TRAF3: variants seen among roughly 807,000 people sequenced by gnomAD.
The protein encoded by TRAF3 is TNF receptor-associated factor 3.
A neutral mutation model predicts 62.3 loss-of-function variants in TRAF3; 13 were observed. The observed-to-expected ratio is 0.21, with a 90% CI of 0.14 to 0.33. The LOEUF (loss-of-function observed/expected upper bound fraction) is 0.33. TRAF3 is among the 10% of genes least tolerant of loss of function. TRAF3 has a pLI of 1.00. For synonymous variants in TRAF3, 269 were observed against 283.4 expected (o/e 0.95, Z 0.51); for missense variants, 440 against 741.8 (o/e 0.59, Z 4.73).
rs199989168 is a variant in TRAF3, at chr14:102,886,244, G to A, written c.626G>A (p.Ser209Asn). The A allele has an allele frequency of 6.8e-6, 11 of 1,612,398 alleles. No homozygotes were observed. In the Admixed American group the frequency reaches 1.7e-4, roughly 24 times the overall value. Reference protein sequence around the residue: ...CVVVSCPHKCSVQTLLRSELS... With the variant: ...CVVVSCPHKCNVQTLLRSELS... ...GTGGTGTCCTGCCCTCACAAGTGCA[G>A]CGTCCAGACTCTCCTGAGGAGCGAG... is the stretch of plus-strand genomic sequence containing the variant. The change falls in exon 7 of 12, where the codon AGC becomes AAC. Residue 209 changes from serine to asparagine, a missense_variant. Transcript: ENST00000392745.
chr14:102,861,259 A>C (rs1280226029), intron 2 of TRAF3, among the ~76,000 whole-genome samples: 1 of 152,178 alleles, frequency 6.6e-6, no homozygotes, highest in African/African-American at 2.4e-5. Flanking sequence ...AGCCATCAGC[A>C]AAGAGTGCAA....
intron 4 of TRAF3, among the ~76,000 whole-genome samples, chr14:102,875,144 T>C (rs961603038): frequency 6.6e-5 from 10 of 152,204 alleles, no homozygotes; most frequent in African/African-American, 2.4e-4. Context: ...TGGTCTCTTA[T>C]GTGGTCTCTC....
At chr14:102,859,994 T>G (rs1299085295) in intron 2 of TRAF3, among the ~76,000 whole-genome samples, 2 of 152,168 alleles carry the variant, frequency 1.3e-5, no homozygotes, top group African/African-American at 4.8e-5. Flanking sequence ...AACACAACAG[T>G]GCAATGATTT....
intron 2 of TRAF3, among the ~76,000 whole-genome samples, chr14:102,832,857 G>A (rs999394095): frequency 2.6e-5 from 4 of 152,008 alleles, no homozygotes; most frequent in African/African-American, 9.7e-5. Context: ...ATGAGATGTT[G>A]AATTGATGTT....
intron 1 of TRAF3, among the ~76,000 whole-genome samples, chr14:102,786,443 A>G (rs1256592367): frequency 6.6e-6 from 1 of 152,188 alleles, no homozygotes; most frequent in Non-Finnish European, 1.5e-5. Context: ...ATCCCAGCAC[A>G]TTGGGAAGCC....
chr14:102,863,686 C>T (rs1240221353), intron 2 of TRAF3, among the ~76,000 whole-genome samples: 1 of 152,236 alleles, frequency 6.6e-6, no homozygotes, highest in African/African-American at 2.4e-5. Context: ...TCTTACTCCT[C>T]AGCTTTTCTT....
At position 102,860,284 on chromosome 14, in the gene TRAF3, T is replaced by TA. The variant is rs1238322558; in HGVS notation, c.-17-9895dup. On this transcript the variant is annotated intron_variant, in intron 2 of 11. Transcript: ENST00000392745. ...GAAGTAATTTCTGATACCCCCAAAGTAAAAAACAGATAATGCAGTGCAAAA... is the reference window on the plus strand; with the variant it reads ...GAAGTAATTTCTGATACCCCCAAAGTAAAAAAACAGATAATGCAGTGCAAAA... Among the ~76,000 whole-genome samples the TA allele has an allele frequency of 7.9e-5, 12 of 152,250 alleles. No individual in the cohort carries two copies. The East Asian group carries it at 1.9e-3, about 24-fold the overall frequency.
chr14:102,874,359 C>T (rs949489736), intron 4 of TRAF3, among the ~76,000 whole-genome samples: 70 of 152,124 alleles, frequency 4.6e-4, no homozygotes, highest in Non-Finnish European at 6.6e-4. Context: ...CGGGTTCAAG[C>T]GATTCCCCTG....
rs1052342037 is a variant in TRAF3 at position 102,799,743 on chromosome 14, T to G, written c.-157+22068T>G. Among the ~76,000 whole-genome samples, 39 of 152,202 alleles carry G rather than the reference T, an allele frequency of 2.6e-4. 1 individual carries two copies. The highest frequency in any genetic ancestry group is 2.4e-3 in the Admixed American group (37 of 15,276). ...GGAATTACAGGCTGAGCCACTGCTC[T>G]TGGCCAAGCACTTCTTTTCTCATAG... On this transcript the variant is annotated intron_variant, in intron 1 of 11. Transcript: ENST00000392745.
At chr14:102,852,460 G>C (rs1387302500) in intron 2 of TRAF3, among the ~76,000 whole-genome samples, 1 of 152,154 alleles carries the variant, frequency 6.6e-6, no homozygotes, top group Non-Finnish European at 1.5e-5. Context: ...CAGTCAGTGT[G>C]GTCCGTGTGT....
chr14:102,804,847 TCTG>T (rs1354543717), intron 1 of TRAF3, among the ~76,000 whole-genome samples: 2 of 152,166 alleles, frequency 1.3e-5, no homozygotes, highest in Non-Finnish European at 2.9e-5. Flanking sequence ...AATTTTGAGT[TCTG>T]CTGTATGATA....
At chr14:102,883,184 C>A (rs551124898) in intron 6 of TRAF3, among the ~76,000 whole-genome samples, 1 of 152,240 alleles carries the variant, frequency 6.6e-6, no homozygotes, top group East Asian at 1.9e-4. Flanking sequence ...GCCGGAGCAC[C>A]CATCAGCAGG....
At chr14:102,856,796 C>T (rs1887398541) in intron 2 of TRAF3, among the ~76,000 whole-genome samples, 1 of 152,148 alleles carries the variant, frequency 6.6e-6, no homozygotes, top group Admixed American at 6.5e-5. Flanking sequence ...TCTGTAACTT[C>T]TTCAGGCTGA....
At chr14:102,847,578 A>C (rs1384976155) in intron 2 of TRAF3, among the ~76,000 whole-genome samples, 1 of 152,192 alleles carries the variant, frequency 6.6e-6, no homozygotes, top group East Asian at 1.9e-4. Context: ...AAAGAAGGAT[A>C]AGGTTGGCGT....
intron 1 of TRAF3, among the ~76,000 whole-genome samples, chr14:102,817,850 G>C (rs1899631035): frequency 6.6e-6 from 1 of 152,230 alleles, no homozygotes; most frequent in African/African-American, 2.4e-5. Flanking sequence ...TCTCACCCAA[G>C]TGAGTATTTA....
At chr14:102,871,577 A>G (rs1377641057) in intron 3 of TRAF3, among the ~76,000 whole-genome samples, 2 of 152,118 alleles carry the variant, frequency 1.3e-5, no homozygotes, top group African/African-American at 2.4e-5. Flanking sequence ...CTCTCCAAGT[A>G]AACAGGTACT....
Position 102,813,920 on chromosome 14 carries a change from T to C in TRAF3, c.-156-16414T>C, listed in dbSNP as rs993417872. The stretch of plus-strand genomic sequence containing the variant: ...TTTGCTGAAGCTTTTTAGCTTGATA[T>C]AATCCCATTCATTTATGTTTGCTTT... On this transcript the variant is annotated intron_variant, in intron 1 of 11. Coordinates refer to ENST00000392745, the MANE Select transcript of TRAF3 (RefSeq NM_145725.3). Among the ~76,000 whole-genome samples, 23 of 152,246 alleles carry C rather than the reference T, an allele frequency of 1.5e-4. 2 individuals are homozygous for C. Among genetic ancestry groups the C allele is most frequent in the African/African-American group, 5.3e-4 (22 of 41,476 alleles).
At chr14:102,807,813 A>G (rs1408011565) in intron 1 of TRAF3, among the ~76,000 whole-genome samples, 1 of 152,204 alleles carries the variant, frequency 6.6e-6, no homozygotes, top group Non-Finnish European at 1.5e-5. Context: ...GCACACAGAA[A>G]GGTAGGCGCA....
chr14:102,886,119 G>A, intron 6 of TRAF3, 70 bp from the exon 7 acceptor site: 1 of 1,540,176 alleles, frequency 6.5e-7, no homozygotes, highest in Admixed American at 1.7e-5. Flanking sequence ...GGGGCCCCAT[G>A]GGGATCTCAG....
Sources: gnomAD v4.1 joint callset for allele counts (sites outside exome capture counted in the v4.1 genomes callset) on GRCh38, gnomAD v4.1.1 for gene constraint, MANE v1.5 for transcripts, NCBI Gene and HGNC (gene_info 2026-07-23, HGNC 2026-07-21) for gene names.